The following LRBA variants were observed in gnomAD, a reference collection of about 807,000 sequenced individuals.
The protein encoded by LRBA is lipopolysaccharide-responsive and beige-like anchor protein.
LRBA carries 176 observed loss-of-function variants against 330.0 expected under a neutral mutation model. That is an observed-to-expected ratio of 0.53 (90% CI 0.47 to 0.60). LRBA has a LOEUF of 0.60. LRBA is among the 20% of genes least tolerant of loss of function. The pLI is 0.00. For missense variants in LRBA, 3,259 were observed against 3,444.8 expected, an observed-to-expected ratio of 0.95 and a Z score of 1.35; for synonymous variants, 1,230 against 1,193.0, an observed-to-expected ratio of 1.03 and a Z score of -0.64.
chr4:150,938,504 G>C (rs115838774), intron 2 of LRBA, among the ~76,000 whole-genome samples: 172 of 152,246 alleles, frequency 1.1e-3, no homozygotes, highest in Non-Finnish European at 1.9e-3. Flanking sequence ...CCAGGAAAAA[G>C]ATCTCACTCT....
chr4:150,415,348 A>C, intron 47 of LRBA, 90 bp downstream of exon 47: 2 of 1,168,166 alleles, frequency 1.7e-6, no homozygotes, highest in Non-Finnish European at 2.4e-6. Context: ...CTTTGTCCAG[A>C]AGAGCAAGGG....
chr4:150,905,883 A>T lies in LRBA; in HGVS notation c.1710T>A (p.Asp570Glu). 6.2e-7 allele frequency: 1 copy of T among 1,613,806 alleles called. No individual in the cohort carries two copies. The highest frequency in any genetic ancestry group is 1.3e-5 in the African/African-American group (1 of 75,056). Residue 570 changes from aspartate to glutamate, a missense_variant, in exon 13 of 57, where the codon GAT becomes GAA. Physicochemically the swap from Asp to Glu is conservative, Grantham distance 45. Coordinates refer to ENST00000651943, the MANE Select transcript of LRBA (RefSeq NM_001364905.1). ...NGMPLLKQLC[D>E]HVLLNPAIWI... ...ATATGGCAGGATTAAGAAGAACGTG[A>T]TCACACAATTGCTTGAGCAGGGGCA...
At chr4:150,974,748 A>G (rs1416368662) in intron 2 of LRBA, among the ~76,000 whole-genome samples, 1 of 152,202 alleles carries the variant, frequency 6.6e-6, no homozygotes, top group Non-Finnish European at 1.5e-5. Flanking sequence ...AAAGTTCTCT[A>G]TGAACCAATA....
chr4:150,615,158 G>C (rs1325392505), intron 37 of LRBA, among the ~76,000 whole-genome samples: 1 of 152,214 alleles, frequency 6.6e-6, no homozygotes, highest in Non-Finnish European at 1.5e-5. Context: ...TGAAATGATG[G>C]AATGTAGGAG....
At chr4:150,614,269 G>A (rs1775554848) in intron 37 of LRBA, among the ~76,000 whole-genome samples, 1 of 152,204 alleles carries the variant, frequency 6.6e-6, no homozygotes, top group African/African-American at 2.4e-5. Flanking sequence ...AGGAGCTTGG[G>A]TTTTACCCTA....
intron 36 of LRBA, among the ~76,000 whole-genome samples, chr4:150,693,029 T>C (rs1406230272): frequency 1.3e-5 from 2 of 151,942 alleles, no homozygotes; most frequent in South Asian, 2.1e-4. Context: ...ACAGAAGAGA[T>C]TATTTAAAAA....
At chr4:150,753,050 C>T (rs1733767483) in intron 35 of LRBA, among the ~76,000 whole-genome samples, 1 of 152,114 alleles carries the variant, frequency 6.6e-6, no homozygotes, top group Non-Finnish European at 1.5e-5. Context: ...CTTATAACTG[C>T]CTTTGTCTCT....
intron 34 of LRBA, among the ~76,000 whole-genome samples, chr4:150,778,838 C>T (rs1321140028): frequency 2.0e-5 from 3 of 152,154 alleles, no homozygotes; most frequent in Non-Finnish European, 4.4e-5. Flanking sequence ...GGTCTGAAGT[C>T]AAGTCTTTAG....
At chr4:150,289,621 C>T (rs1476662059) in intron 53 of LRBA, among the ~76,000 whole-genome samples, 2 of 152,164 alleles carry the variant, frequency 1.3e-5, no homozygotes, top group Non-Finnish European at 2.9e-5. Flanking sequence ...AACCCACATA[C>T]ATCAATATAA....
At chr4:150,451,234 T>C (rs1006462988) in intron 44 of LRBA, among the ~76,000 whole-genome samples, 13 of 152,164 alleles carry the variant, frequency 8.5e-5, no homozygotes, top group African/African-American at 3.1e-4. Context: ...TATAGAACAA[T>C]ACTTAACAAC....
At chr4:150,458,977 A>G (rs975537899) in intron 44 of LRBA, among the ~76,000 whole-genome samples, 5 of 151,978 alleles carry the variant, frequency 3.3e-5, no homozygotes, top group Admixed American at 2.0e-4. Flanking sequence ...CATATAGACC[A>G]TAAGTAGTGA....
chr4:150,829,003 A>C (rs1461100017), intron 29 of LRBA, among the ~76,000 whole-genome samples: 1 of 150,474 alleles, frequency 6.6e-6, no homozygotes, highest in African/African-American at 2.4e-5. Flanking sequence ...GGTGTGACCT[A>C]GGCTCACTGC....
At chr4:150,930,454 T>C (rs1407880037) in intron 2 of LRBA, among the ~76,000 whole-genome samples, 1 of 152,028 alleles carries the variant, frequency 6.6e-6, no homozygotes, top group African/African-American at 2.4e-5. Context: ...GATCATGCCA[T>C]TGAGCTCCAG....
chr4:150,504,466 AC>A (rs1382210015), intron 40 of LRBA, among the ~76,000 whole-genome samples: 9 of 152,376 alleles, frequency 5.9e-5, no homozygotes, highest in African/African-American at 9.6e-5. Context: ...AGAATTTTCA[AC>A]CCAGAATTTC....
At chr4:150,818,554 G>GTC (rs1230936813) in intron 30 of LRBA, among the ~76,000 whole-genome samples, 2 of 151,078 alleles carry the variant, frequency 1.3e-5, no homozygotes, top group Non-Finnish European at 3.0e-5. Context: ...GTGTGTGTGT[G>GTC]TGTGTGTGTG....
At chr4:150,586,481 A>T (rs1772129409) in intron 40 of LRBA, among the ~76,000 whole-genome samples, 1 of 152,164 alleles carries the variant, frequency 6.6e-6, no homozygotes, top group Non-Finnish European at 1.5e-5. Context: ...ATCTATACAA[A>T]ATTAAAACTT....
intron 35 of LRBA, among the ~76,000 whole-genome samples, chr4:150,748,663 T>C (rs1337839654): frequency 6.8e-6 from 1 of 146,898 alleles, no homozygotes; most frequent in East Asian, 2.0e-4. Context: ...CAAGATTCCA[T>C]CTCACAGAAA....
intron 17 of LRBA, among the ~76,000 whole-genome samples, chr4:150,873,597 A>AAAAC (rs548040112): frequency 6.6e-6 from 1 of 152,078 alleles, no homozygotes; most frequent in African/African-American, 2.4e-5. Context: ...CTCAAAAAAA[A>AAAAC]AAACAAACAA....
chr4:150,465,924 A>G (rs1755392329), intron 44 of LRBA, among the ~76,000 whole-genome samples: 1 of 152,126 alleles, frequency 6.6e-6, no homozygotes, highest in African/African-American at 2.4e-5. Context: ...TAGGGAACAC[A>G]GAGAAGAAAA....
Sources: gnomAD v4.1 joint callset for allele counts (sites outside exome capture counted in the v4.1 genomes callset) on GRCh38, gnomAD v4.1.1 for gene constraint, MANE v1.5 for transcripts, NCBI Gene and HGNC (gene_info 2026-07-23, HGNC 2026-07-21) for gene names.